Variants in THSD7B observed in about 807,000 individuals in gnomAD.
THSD7B encodes thrombospondin type-1 domain-containing protein 7B.
In THSD7B, 138 loss-of-function variants were observed where a neutral mutation model predicts 213.6. That is an observed-to-expected ratio of 0.65 (90% CI 0.56 to 0.74). The LOEUF (loss-of-function observed/expected upper bound fraction) is 0.74. THSD7B is among the 30% of genes least tolerant of loss of function. The pLI is 0.00. For synonymous variants in THSD7B, 742 were observed against 687.0 expected, an observed-to-expected ratio of 1.08 and a Z score of -1.25; for missense variants, 1,931 against 1,991.5, an observed-to-expected ratio of 0.97 and a Z score of 0.58.
At chr2:137,544,610 A>G (rs1680673282) in intron 15 of THSD7B, among the ~76,000 whole-genome samples, 1 of 151,888 alleles carries the variant, frequency 6.6e-6, no homozygotes, top group African/African-American at 2.4e-5. Flanking sequence ...GAAGATGTAT[A>G]TAATCCATGA....
chr2:137,282,284 A>C (rs1683042501), intron 12 of THSD7B, among the ~76,000 whole-genome samples: 1 of 151,924 alleles, frequency 6.6e-6, no homozygotes, highest in Non-Finnish European at 1.5e-5. Flanking sequence ...GTTTGAGTTC[A>C]TTGTAGATTC....
intron 12 of THSD7B, among the ~76,000 whole-genome samples, chr2:137,363,282 C>T (rs575282303): frequency 5.1e-4 from 77 of 152,192 alleles, no homozygotes; most frequent in African/African-American, 1.9e-3. Context: ...CAAGAGAAAG[C>T]AGGAAAGATC....
intron 12 of THSD7B, among the ~76,000 whole-genome samples, chr2:137,284,524 C>T (rs1021508826): frequency 7.2e-5 from 11 of 152,066 alleles, no homozygotes; most frequent in Non-Finnish European, 1.6e-4. Flanking sequence ...CCTGCTTTCT[C>T]TTGTGGGCAT....
chr2:137,134,088 G>T (rs1432536744), intron 5 of THSD7B, among the ~76,000 whole-genome samples: 3 of 152,186 alleles, frequency 2.0e-5, no homozygotes, highest in Admixed American at 6.5e-5. Context: ...CTTCATCTAA[G>T]TCATCTCCTA....
intron 14 of THSD7B, among the ~76,000 whole-genome samples, chr2:137,443,106 T>C (rs1687454441): frequency 6.6e-6 from 1 of 152,150 alleles, no homozygotes; most frequent in Non-Finnish European, 1.5e-5. Flanking sequence ...CTAGTCTCCT[T>C]TGTCTCTAAT....
At chr2:137,542,798 T>A (rs1410052175) in intron 15 of THSD7B, among the ~76,000 whole-genome samples, 4 of 151,748 alleles carry the variant, frequency 2.6e-5, no homozygotes, top group Non-Finnish European at 4.4e-5. Context: ...ATCACAATCG[T>A]GTTGTACTAA....
intron 1 of THSD7B, among the ~76,000 whole-genome samples, chr2:136,813,547 T>C (rs1344772097): frequency 6.6e-6 from 1 of 152,176 alleles, no homozygotes; most frequent in Non-Finnish European, 1.5e-5. Context: ...AACTCCTAAT[T>C]TGAAGTTTGA....
rs773603398 is a variant in THSD7B at position 136,907,937 on chromosome 2, TG to T, written c.139+25622del. On this transcript the variant is annotated intron_variant, in intron 2 of 27. Coordinates refer to ENST00000409968, the MANE Select transcript of THSD7B (RefSeq NM_001316349.2). ...AGTGGTGACACTAATAGAGGAAATT[TG>T]GCATAGGCAGCTATAATAGATGAAA... Among the ~76,000 whole-genome samples, 155 of 152,336 alleles carry T rather than the reference TG, an allele frequency of 1.0e-3. 1 individual carries two copies. The highest frequency in any genetic ancestry group is 3.4e-3 in the Middle Eastern group (1 of 294).
chr2:137,583,091 G>A (rs371356208), intron 17 of THSD7B, among the ~76,000 whole-genome samples: 2 of 152,122 alleles, frequency 1.3e-5, no homozygotes, highest in African/African-American at 2.4e-5. Flanking sequence ...TGATGGCCAG[G>A]GATGATGAGC....
In THSD7B at chr2:137,147,042, A is replaced by G. The variant is rs192227457; in HGVS notation, c.1370-13171A>G. Among the ~76,000 whole-genome samples, 30 of 152,290 alleles carry G rather than the reference A, an allele frequency of 2.0e-4. No homozygotes were observed. In the East Asian group the frequency reaches 5.8e-3, roughly 29 times the overall value. ...GTAATCATAAAGATTTTTATAAAGTATAAATCCTTGTTGTACTCTCTGCTA... is the reference window on the plus strand; with the variant it reads ...GTAATCATAAAGATTTTTATAAAGTGTAAATCCTTGTTGTACTCTCTGCTA... On this transcript the variant is annotated intron_variant, in intron 5 of 27. Coordinates refer to ENST00000409968, the MANE Select transcript of THSD7B (RefSeq NM_001316349.2).
chr2:137,078,807 T>C (rs1333722265), intron 3 of THSD7B, among the ~76,000 whole-genome samples: 2 of 151,980 alleles, frequency 1.3e-5, no homozygotes, highest in South Asian at 2.1e-4. Context: ...ATTATCATAC[T>C]TTTTTTTCCC....
intron 1 of THSD7B, among the ~76,000 whole-genome samples, chr2:136,788,618 A>C (rs1346921593): frequency 6.6e-6 from 1 of 152,186 alleles, no homozygotes; most frequent in Admixed American, 6.5e-5. Flanking sequence ...AGGAGAAACC[A>C]TTCTCTCTTC....
intron 15 of THSD7B, among the ~76,000 whole-genome samples, chr2:137,451,868 G>A (rs1471638121): frequency 2.0e-5 from 3 of 151,916 alleles, no homozygotes; most frequent in Non-Finnish European, 4.4e-5. Flanking sequence ...ATATGAGTTG[G>A]TAGATCCTCT....
chr2:137,442,672 A>C (rs986618756), intron 14 of THSD7B, among the ~76,000 whole-genome samples: 1 of 152,128 alleles, frequency 6.6e-6, no homozygotes, highest in South Asian at 2.1e-4. Flanking sequence ...TTCTGCTCAC[A>C]TTTTATTGGC....
At chr2:136,948,212 C>T (rs1684976089) in intron 2 of THSD7B, among the ~76,000 whole-genome samples, 1 of 152,114 alleles carries the variant, frequency 6.6e-6, no homozygotes, top group Non-Finnish European at 1.5e-5. Context: ...CACACATTGA[C>T]TTTCTTGAAA....
intron 1 of THSD7B, among the ~76,000 whole-genome samples, chr2:136,837,874 G>T (rs538979896): frequency 1.3e-5 from 2 of 152,144 alleles, no homozygotes; most frequent in Non-Finnish European, 2.9e-5. Context: ...GAATGGAGGA[G>T]CATCTCATTT....
intron 15 of THSD7B, among the ~76,000 whole-genome samples, chr2:137,546,535 A>G (rs1290025899): frequency 8.6e-6 from 1 of 115,676 alleles, no homozygotes; most frequent in Non-Finnish European, 1.7e-5. Flanking sequence ...ACCAGGGACA[A>G]TGGTTTACAA....
At chr2:137,257,652 T>C (rs1008637682) in intron 10 of THSD7B, among the ~76,000 whole-genome samples, 2 of 152,210 alleles carry the variant, frequency 1.3e-5, no homozygotes, top group African/African-American at 4.8e-5. Flanking sequence ...TGCCCATCCA[T>C]CCATGATGCT....
chr2:137,238,454 A>G (rs6735107), intron 9 of THSD7B, among the ~76,000 whole-genome samples: 62,803 of 150,964 alleles, frequency 0.42, 13,691 homozygotes, highest in African/African-American at 0.56. Context: ...TTCTTATCTT[A>G]ACTAAAGTAT....
Sources: gnomAD v4.1 joint callset for allele counts (sites outside exome capture counted in the v4.1 genomes callset) on GRCh38, gnomAD v4.1.1 for gene constraint, MANE v1.5 for transcripts, NCBI Gene and HGNC (gene_info 2026-07-23, HGNC 2026-07-21) for gene names.